GLI3: variants seen among roughly 807,000 people sequenced by gnomAD.
GLI3 encodes the protein transcription activator GLI3.
GLI3 carries 20 observed loss-of-function variants against 100.8 expected under a neutral mutation model. That is an observed-to-expected ratio of 0.20 (90% CI 0.14 to 0.29). The LOEUF (loss-of-function observed/expected upper bound fraction) is 0.29. GLI3 is among the 10% of genes least tolerant of loss of function. The pLI, the probability that GLI3 is intolerant of heterozygous loss-of-function variation, is 1.00. For synonymous variants in GLI3, 938 were observed against 860.5 expected (o/e 1.09, Z -1.58); for missense variants, 2,040 against 2,128.5 (o/e 0.96, Z 0.82).
chr7:42,060,344 T>C (rs953165321), intron 4 of GLI3, among the ~76,000 whole-genome samples: 15 of 152,244 alleles, frequency 9.9e-5, no homozygotes, highest in African/African-American at 3.1e-4. Context: ...TCAGCTATGA[T>C]GTCACTTCGG....
At chr7:42,057,092 A>C (rs1356537025) in intron 4 of GLI3, among the ~76,000 whole-genome samples, 3 of 152,146 alleles carry the variant, frequency 2.0e-5, no homozygotes, top group Non-Finnish European at 4.4e-5. Flanking sequence ...CACTCTATCC[A>C]AGCTAACCAA....
At chr7:42,076,884 T>G in intron 3 of GLI3, 27 bp from the exon 4 acceptor site, 1 of 1,348,238 alleles carries the variant, frequency 7.4e-7, no homozygotes, top group South Asian at 1.2e-5. Context: ...GCCCAATCTA[T>G]ATCAAATGAA....
chr7:42,263,456 T>TA (rs1554345723), intron 1 of GLI3, among the ~76,000 whole-genome samples: 4,188 of 151,566 alleles, frequency 0.028, 204 homozygotes, highest in African/African-American at 0.096. Flanking sequence ...TATTTATTTT[T>TA]TTTTTTTGAA....
intron 2 of GLI3, among the ~76,000 whole-genome samples, chr7:42,189,971 AACACACAC>A (rs57107204): frequency 0.035 from 5,063 of 143,366 alleles, 128 homozygotes; most frequent in East Asian, 0.11. Flanking sequence ...GCATGGGCTC[AACACACAC>A]ACACACACAC....
At chr7:42,141,924 G>T (rs1786577237) in intron 3 of GLI3, among the ~76,000 whole-genome samples, 1 of 152,128 alleles carries the variant, frequency 6.6e-6, no homozygotes, top group African/African-American at 2.4e-5. Flanking sequence ...AAGCATCTGA[G>T]CAGCTCCCAA....
chr7:42,183,761 A>G (rs146961733), intron 2 of GLI3, among the ~76,000 whole-genome samples: 7 of 152,326 alleles, frequency 4.6e-5, no homozygotes, highest in Non-Finnish European at 1.0e-4. Context: ...ACATAGGCTG[A>G]GTCCATCCAC....
intron 1 of GLI3, among the ~76,000 whole-genome samples, chr7:42,246,059 C>A (rs146774508): frequency 6.6e-6 from 1 of 152,276 alleles, no homozygotes; most frequent in Non-Finnish European, 1.5e-5. Context: ...TTGCCTTGGA[C>A]AGAGGCCCAC....
rs1305353182 is a variant in GLI3, at chr7:41,972,604, T to C, written c.1836A>G (p.Pro612=). ...SNEKPYVCKI[P]GCTKRYTDPS... ...GGTCTGTGTAACGCTTAGTGCAGCC[T>C]GGGATTTTGCACACATATGGTTTCT... The change falls in exon 13 of 15, where the codon CCA becomes CCG. Residue 612 remains proline (P), a synonymous_variant. Transcript: ENST00000395925. The surrounding 1 kb of genome is among the most constrained non-coding windows in gnomAD (Gnocchi z 4.4). The C allele has an allele frequency of 6.2e-7, 1 of 1,606,204 alleles. No homozygotes were observed. The highest frequency in any genetic ancestry group is 1.7e-5 in the Admixed American group (1 of 60,008).
intron 2 of GLI3, among the ~76,000 whole-genome samples, chr7:42,153,185 G>GT (rs1480788946): frequency 1.3e-5 from 2 of 152,158 alleles, no homozygotes; most frequent in Non-Finnish European, 2.9e-5. Flanking sequence ...TTCCTTTCAA[G>GT]TTTCAAAGTC....
chr7:42,005,677 G>C lies in GLI3; in HGVS notation c.1497+17791C>G, dbSNP rs561115897. Among the ~76,000 whole-genome samples the C allele has an allele frequency of 2.0e-5, 3 of 152,260 alleles. No homozygotes were observed. The South Asian group carries it at 6.2e-4, about 32-fold the overall frequency. On this transcript the variant is annotated intron_variant, in intron 10 of 14. Transcript: ENST00000395925. ...TTCAGACACCGACCCATTGGGCTCT[G>C]CTGCAGCATTAACCACTGCCCGACG...
At chr7:42,015,227 T>C (rs754570013) in intron 10 of GLI3, among the ~76,000 whole-genome samples, 2 of 152,106 alleles carry the variant, frequency 1.3e-5, no homozygotes, top group Admixed American at 1.3e-4. Flanking sequence ...GAAAGACAGA[T>C]CTCCAACACA....
chr7:42,112,212 G>C (rs1487819588), intron 3 of GLI3, among the ~76,000 whole-genome samples: 2 of 152,146 alleles, frequency 1.3e-5, no homozygotes, highest in Non-Finnish European at 2.9e-5. Context: ...GTGCATATCT[G>C]GGCCCCAGAA....
chr7:41,980,720 T>G (rs1787640824), intron 10 of GLI3, among the ~76,000 whole-genome samples: 1 of 151,982 alleles, frequency 6.6e-6, no homozygotes, highest in Admixed American at 6.6e-5. Flanking sequence ...GAAACTGAAT[T>G]ATAATTTGTG....
At chr7:42,022,080 C>A (rs1007555723) in intron 10 of GLI3, among the ~76,000 whole-genome samples, 4 of 152,078 alleles carry the variant, frequency 2.6e-5, no homozygotes, top group Non-Finnish European at 5.9e-5. Context: ...TGGAAATATA[C>A]CTTAATTAAA....
intron 3 of GLI3, chr7:42,113,293 C>A (rs1223667261): frequency 1.7e-6 from 1 of 583,650 alleles, no homozygotes; most frequent in Admixed American, 2.2e-5. Context: ...GAACGACCCC[C>A]GGACCGACCA....
chr7:42,118,880 C>T lies in GLI3; in HGVS notation c.367+29346G>A, dbSNP rs144011236. ...ACAAATCACTGTTTTGAAAGAGAAA[C>T]GAACTCTTTCAAACTCTTTCAAACT... On this transcript the variant is annotated intron_variant, in intron 3 of 14. Transcript: ENST00000395925. Among the ~76,000 whole-genome samples the T allele has an allele frequency of 7.1e-4, 108 of 152,270 alleles. No homozygotes were observed. In the East Asian group the frequency reaches 0.017, roughly 24 times the overall value.
At chr7:41,982,077 A>G (rs1017311533) in intron 10 of GLI3, among the ~76,000 whole-genome samples, 2 of 152,156 alleles carry the variant, frequency 1.3e-5, no homozygotes, top group Non-Finnish European at 2.9e-5. Context: ...TCCCTTTCCA[A>G]TCCCTTAGAC....
At chr7:42,119,650 A>G (rs1439991202) in intron 3 of GLI3, among the ~76,000 whole-genome samples, 1 of 152,202 alleles carries the variant, frequency 6.6e-6, no homozygotes, top group East Asian at 1.9e-4. Flanking sequence ...TTTCCTATAG[A>G]AAAATACAGT....
chr7:42,198,098 T>C (rs1787967440), intron 2 of GLI3, among the ~76,000 whole-genome samples: 1 of 152,174 alleles, frequency 6.6e-6, no homozygotes, highest in African/African-American at 2.4e-5. Flanking sequence ...GTCATTTTTA[T>C]ACCTACTCAT....
Sources: gnomAD v4.1 joint callset for allele counts (sites outside exome capture counted in the v4.1 genomes callset) on GRCh38, gnomAD v4.1.1 for gene constraint, Gnocchi (gnomAD v3.1) non-coding constraint, MANE v1.5 for transcripts, NCBI Gene and HGNC (gene_info 2026-07-23, HGNC 2026-07-21) for gene names.